The following SECISBP2 variants were observed in gnomAD, a reference collection of about 807,000 sequenced individuals.
SECISBP2 encodes selenocysteine insertion sequence-binding protein 2.
A neutral mutation model predicts 98.2 loss-of-function variants in SECISBP2; 96 were observed. The observed-to-expected ratio is 0.98, with a 90% confidence interval of 0.83 to 1.16. The LOEUF is 1.16. SECISBP2 is among the 50% of genes most tolerant of loss of function. The pLI, the probability that SECISBP2 is intolerant of heterozygous loss-of-function variation, is 0.00. For missense variants in SECISBP2, 1,046 were observed against 1,022.9 expected (o/e 1.02, Z -0.31); for synonymous variants, 407 against 370.2 (o/e 1.10, Z -1.14).
chr9:89,325,519 A>AT lies in SECISBP2; in HGVS notation c.277dup (p.Ser93PhefsTer6), dbSNP rs778322437. On this transcript the variant is annotated frameshift_variant, in exon 3 of 17. Coordinates refer to ENST00000375807, the MANE Select transcript of SECISBP2 (RefSeq NM_024077.5). LOFTEE classifies it high-confidence loss of function. ...GAGATAACTCTTCATCCATATGCCT[A>AT]TTCTCCTTATACCCTTGACTCCACA... is the stretch of plus-strand genomic sequence containing the variant. The AT allele has an allele frequency of 6.2e-7, 1 of 1,613,884 alleles. No homozygotes were observed. Among genetic ancestry groups the AT allele is most frequent in the South Asian group, 1.1e-5 (1 of 91,080 alleles).
rs377556930 is a variant in SECISBP2 at position 89,332,890 on chromosome 9, A to T, written c.802-18A>T. On this transcript the variant is annotated intron_variant, in intron 5 of 16. Transcript: ENST00000375807. ...AATTTGCATTTCTCTGATGACATCT[A>T]ATGTGTTTGCTTTTTAGGGTGAAAT... 2 of 1,594,354 alleles carry T rather than the reference A, an allele frequency of 1.3e-6. No homozygotes were observed. The highest frequency in any genetic ancestry group is 1.7e-6 in the Non-Finnish European group (2 of 1,162,616).
chr9:89,364,208 G>A (rs1833218387), downstream of SECISBP2: 5 of 650,654 alleles, frequency 7.7e-6, no homozygotes, highest in Admixed American at 3.1e-5. Flanking sequence ...TGTGGCCTGT[G>A]TCCCCTAGGA....
At chr9:89,357,900 T>C in intron 15 of SECISBP2, 99 bp from the exon 16 acceptor site, 1 of 1,291,896 alleles carries the variant, frequency 7.7e-7, no homozygotes, top group Non-Finnish European at 1.1e-6. Context: ...TTACCCCATG[T>C]CACCCCTGCT....
chr9:89,345,862 G>A (rs1830347472), intron 10 of SECISBP2, among the ~76,000 whole-genome samples: 1 of 152,202 alleles, frequency 6.6e-6, no homozygotes, highest in African/African-American at 2.4e-5. Flanking sequence ...AACCCCATGT[G>A]GAAACAAGGC....
chr9:89,330,225 A>C (rs1827517291), intron 5 of SECISBP2: 1 of 152,250 alleles, frequency 6.6e-6, no homozygotes, highest in Admixed American at 6.5e-5. Flanking sequence ...CAGCAAATTC[A>C]GGAAAACTTA....
rs1828308311 is a variant in SECISBP2, at chr9:89,334,572, G to C, written c.931G>C (p.Glu311Gln). 1.9e-6 allele frequency: 3 copies of C among 1,614,136 alleles called. No homozygotes were observed. The highest frequency in any genetic ancestry group is 2.5e-6 in the Non-Finnish European group (3 of 1,180,010). Residue 311 changes from glutamate (E) to glutamine (Q), a missense_variant, in exon 7 of 17, where the codon GAA becomes CAA. Glu to Gln is a conservative substitution (Grantham distance 29). Coordinates refer to ENST00000375807, the MANE Select transcript of SECISBP2 (RefSeq NM_024077.5). ...GYVVRQTLST[E>Q]LSAAPKNVTS... ...TGTTGTTCGACAGACATTATCTACA[G>C]AACTGTCAGCAGCCCCTAAAAATGT...
rs568909997 is a variant in SECISBP2, at chr9:89,350,770, G to A, written c.2031G>A (p.Leu677=). Residue 677 remains leucine, a synonymous_variant, in exon 14 of 17, where the codon TTG becomes TTA. Transcript: ENST00000375807. The stretch of plus-strand genomic sequence containing the variant: ...CTAAACGTCGACTTGTGTTGGGGTT[G>A]AGGGAGGTTCTCAAACACCTGAAGC... The part of the protein sequence containing the change: ...AKTKRRLVLG[L]REVLKHLKLK... The A allele has an allele frequency of 2.7e-5, 43 of 1,614,242 alleles. No homozygotes were observed. In the South Asian group the frequency reaches 4.4e-4, roughly 16 times the overall value.
chr9:89,340,180 T>G lies in SECISBP2; in HGVS notation c.1302+227T>G, dbSNP rs370195643. On this transcript the variant is annotated intron_variant, in intron 9 of 16. Coordinates refer to ENST00000375807, the MANE Select transcript of SECISBP2 (RefSeq NM_024077.5). ...GACTTATTTTATAAGATTATTATTT[T>G]ATAATAAGATTTGGTAACTGCAGTT... 5.9e-5 allele frequency among the ~76,000 whole-genome samples: 9 copies of G among 152,326 alleles called. 1 individual carries two copies. The highest frequency in any genetic ancestry group is 4.1e-4 in the South Asian group (2 of 4,826).
At chr9:89,323,283 G>A (rs1826115435) in intron 2 of SECISBP2, 1 of 152,292 alleles carries the variant, frequency 6.6e-6, no homozygotes, top group South Asian at 2.1e-4. Flanking sequence ...ACTAGGGAAG[G>A]TGCTGGATTG....
At chr9:89,331,329 A>T (rs1165663813) in intron 5 of SECISBP2, among the ~76,000 whole-genome samples, 1 of 152,180 alleles carries the variant, frequency 6.6e-6, no homozygotes, top group Non-Finnish European at 1.5e-5. Flanking sequence ...CAGGTAAGCT[A>T]TTTCTAATTT....
chr9:89,341,310 A>G, intron 9 of SECISBP2, 37 bp from the exon 10 acceptor site: 1 of 1,580,132 alleles, frequency 6.3e-7, no homozygotes, highest in East Asian at 2.2e-5. Context: ...CAGTTTGTAT[A>G]GTTTTATAAG....
At chr9:89,362,863 C>G, downstream of SECISBP2, among the ~76,000 whole-genome samples, 1 of 152,326 alleles carries the variant, frequency 6.6e-6, no homozygotes, top group Non-Finnish European at 1.5e-5. Flanking sequence ...CCTTCTGTAT[C>G]GGCTATTTAG....
downstream of SECISBP2, chr9:89,363,736 C>T (rs761915841): frequency 1.2e-6 from 2 of 1,611,228 alleles, no homozygotes; most frequent in South Asian, 2.2e-5. Context: ...ATGGGAATCA[C>T]TTACCAGGTC....
At chr9:89,357,898 T>C (rs1475178034) in intron 15 of SECISBP2, 101 bp from the exon 16 acceptor site, 26 of 1,283,230 alleles carry the variant, frequency 2.0e-5, no homozygotes, top group African/African-American at 4.4e-5. Context: ...CATTACCCCA[T>C]GTCACCCCTG....
At chr9:89,350,005 A>G in intron 13 of SECISBP2, 76 bp downstream of exon 13, 10 of 1,552,368 alleles carry the variant, frequency 6.4e-6, no homozygotes, top group East Asian at 2.3e-5. Flanking sequence ...GATATCTCCC[A>G]TAAATCCTTG....
intron 12 of SECISBP2, among the ~76,000 whole-genome samples, 188 bp from the exon 13 acceptor site, chr9:89,349,588 C>G (rs752991111): frequency 5.3e-5 from 8 of 152,236 alleles, no homozygotes; most frequent in Non-Finnish European, 1.0e-4. Context: ...CCTCCACCAG[C>G]TTTTCTGTTT....
chr9:89,363,813 C>CT (rs749125151), downstream of SECISBP2: 10 of 1,614,122 alleles, frequency 6.2e-6, no homozygotes, highest in Non-Finnish European at 8.5e-6. Context: ...CAGCGATACT[C>CT]AGCGCTTTCC....
At chr9:89,354,693 A>G in intron 14 of SECISBP2, 2 of 868,840 alleles carry the variant, frequency 2.3e-6, no homozygotes, top group Non-Finnish European at 2.8e-6. Flanking sequence ...ACAGACCCCA[A>G]CCAAGGGCCA....
At chr9:89,330,770 C>T (rs1404542229) in intron 5 of SECISBP2, among the ~76,000 whole-genome samples, 3 of 152,210 alleles carry the variant, frequency 2.0e-5, no homozygotes, top group Middle Eastern at 3.2e-3. Context: ...ATAGCCACGG[C>T]GCTGCCGGTC....
Sources: gnomAD v4.1 joint callset for allele counts (sites outside exome capture counted in the v4.1 genomes callset) on GRCh38, gnomAD v4.1.1 for gene constraint, MANE v1.5 for transcripts, NCBI Gene and HGNC (gene_info 2026-07-23, HGNC 2026-07-21) for gene names.